The following CHRNA7 variants were observed in gnomAD, a reference collection of about 807,000 sequenced individuals.
CHRNA7 encodes cholinergic receptor nicotinic alpha 7 subunit, also known as neuronal acetylcholine receptor subunit alpha-7.
In CHRNA7, 17 loss-of-function variants were observed where a neutral mutation model predicts 48.0. The observed-to-expected ratio is 0.35, with a 90% CI of 0.24 to 0.53. The LOEUF is 0.53. Among genes scored for constraint, CHRNA7 ranks in the 20% least tolerant of loss-of-function variants. The pLI is 0.92. For missense variants in CHRNA7, 155 were observed against 577.7 expected (o/e 0.27, Z 7.50); for synonymous variants, 75 against 242.3 (o/e 0.31, Z 6.41).
At chr15:32,142,758 G>A (rs977524917) in intron 4 of CHRNA7, among the ~76,000 whole-genome samples, 1 of 152,012 alleles carries the variant, frequency 6.6e-6, no homozygotes, top group Non-Finnish European at 1.5e-5. Context: ...TGAGATCGGT[G>A]GTGATATCCC....
chr15:32,083,339 A>G (rs1481563999), intron 2 of CHRNA7, among the ~76,000 whole-genome samples: 1 of 152,114 alleles, frequency 6.6e-6, no homozygotes. Flanking sequence ...CCATCATGGG[A>G]TGTTGTAGCA....
At chr15:32,034,609 TGAG>T (rs1045914323) in intron 2 of CHRNA7, among the ~76,000 whole-genome samples, 3 of 152,074 alleles carry the variant, frequency 2.0e-5, no homozygotes, top group Non-Finnish European at 4.4e-5. Flanking sequence ...TCTGAGGGCA[TGAG>T]GAGGCAGTGT....
intron 4 of CHRNA7, among the ~76,000 whole-genome samples, chr15:32,148,714 C>G (rs1055804229): frequency 2.0e-5 from 3 of 152,230 alleles, no homozygotes; most frequent in African/African-American, 7.2e-5. Context: ...GGGGGCCAAG[C>G]AGTGGTTTGC....
At chr15:32,068,874 T>C (rs979002168) in intron 2 of CHRNA7, among the ~76,000 whole-genome samples, 1 of 151,588 alleles carries the variant, frequency 6.6e-6, no homozygotes, top group African/African-American at 2.4e-5. Context: ...AGAGACAGAA[T>C]TAAAGGGGAG....
chr15:32,139,217 C>A (rs781189596), intron 4 of CHRNA7, among the ~76,000 whole-genome samples: 3 of 152,144 alleles, frequency 2.0e-5, no homozygotes, highest in Non-Finnish European at 4.4e-5. Flanking sequence ...CTTTTTAGCA[C>A]TGAATAATAA....
intron 2 of CHRNA7, among the ~76,000 whole-genome samples, chr15:32,096,819 T>C (rs2050477170): frequency 2.0e-5 from 3 of 152,156 alleles, no homozygotes; most frequent in South Asian, 4.2e-4. Flanking sequence ...AAAAGCACGA[T>C]CACTTAAATC....
intron 2 of CHRNA7, among the ~76,000 whole-genome samples, chr15:32,083,399 T>C (rs1329892318): frequency 1.3e-5 from 2 of 152,152 alleles, no homozygotes; most frequent in Non-Finnish European, 2.9e-5. Flanking sequence ...CTTCCCAGCC[T>C]CCAGAACTGT....
chr15:32,108,048 CTT>C (rs2050699852), intron 3 of CHRNA7, among the ~76,000 whole-genome samples: 1 of 151,956 alleles, frequency 6.6e-6, no homozygotes. Context: ...TGAAAGATAA[CTT>C]TCCTTTTTCC....
chr15:32,100,715 T>A (rs2050555753), intron 2 of CHRNA7: 1 of 154,638 alleles, frequency 6.5e-6, no homozygotes, highest in Non-Finnish European at 1.5e-5. Context: ...GGCTTTACCT[T>A]CAGGTGTATT....
At chr15:32,049,250 A>T (rs1298418658) in intron 2 of CHRNA7, among the ~76,000 whole-genome samples, 1 of 151,920 alleles carries the variant, frequency 6.6e-6, no homozygotes, top group Non-Finnish European at 1.5e-5. Flanking sequence ...GTGGGGTGTT[A>T]AAGTCTCCCA....
rs2141233728 is a variant in CHRNA7 at position 32,082,212 on chromosome 15, T to G, written c.196-19091T>G. The stretch of plus-strand genomic sequence containing the variant: ...TTCTTTGGATTTATCTTGTTTGGGG[T>G]TTGTTCATTTCTTTAATCTATAGAT... On this transcript the variant is annotated intron_variant, in intron 2 of 9. Coordinates refer to ENST00000306901, the MANE Select transcript of CHRNA7 (RefSeq NM_000746.6). Among the ~76,000 whole-genome samples the G allele has an allele frequency of 1.3e-5, 2 of 152,182 alleles. 1 individual carries two copies. The highest frequency in any genetic ancestry group is 4.1e-4 in the South Asian group (2 of 4,826).
rs374952316 is a variant in CHRNA7 at position 32,137,613 on chromosome 15, T to C, written c.351-16294T>C. On this transcript the variant is annotated intron_variant, in intron 4 of 9. Coordinates refer to ENST00000306901, the MANE Select transcript of CHRNA7 (RefSeq NM_000746.6). The stretch of plus-strand genomic sequence containing the variant: ...AGTTTTGAACAACACAGTTAACAAG[T>C]CTTACCCAATATATAGATATAGATA... Among the ~76,000 whole-genome samples the C allele has an allele frequency of 5.3e-5, 8 of 152,224 alleles. 1 individual carries two copies. Among genetic ancestry groups the C allele is most frequent in the Admixed American group, 6.5e-5 (1 of 15,292 alleles).
intron 5 of CHRNA7, chr15:32,155,981 TTTA>T (rs1297320214): frequency 1.2e-5 from 1 of 86,184 alleles, no homozygotes; most frequent in African/African-American, 5.0e-5. Flanking sequence ...TTTTAACAGC[TTTA>T]TTGAGAGAGA....
intron 2 of CHRNA7, among the ~76,000 whole-genome samples, chr15:32,056,402 G>C (rs2049789281): frequency 6.6e-6 from 1 of 152,102 alleles, no homozygotes; most frequent in Non-Finnish European, 1.5e-5. Context: ...TTGGACTGGT[G>C]ACTAATTTAT....
chr15:32,125,556 G>A (rs1270348360), intron 4 of CHRNA7, among the ~76,000 whole-genome samples: 2 of 152,172 alleles, frequency 1.3e-5, no homozygotes, highest in Non-Finnish European at 1.5e-5. Flanking sequence ...GTCAAGAGGG[G>A]ACAATCGGAA....
At chr15:32,062,116 T>C (rs942141061) in intron 2 of CHRNA7, among the ~76,000 whole-genome samples, 2 of 152,212 alleles carry the variant, frequency 1.3e-5, no homozygotes, top group East Asian at 3.8e-4. Flanking sequence ...GCTGTTTCTT[T>C]GAGATTTACG....
At chr15:32,144,139 G>C (rs2051438397) in intron 4 of CHRNA7, among the ~76,000 whole-genome samples, 1 of 152,134 alleles carries the variant, frequency 6.6e-6, no homozygotes, top group South Asian at 2.1e-4. Flanking sequence ...CTCAGCATTT[G>C]CTTGTCTGTA....
At chr15:32,101,572 A>C in intron 3 of CHRNA7, 1 of 532,534 alleles carries the variant, frequency 1.9e-6, no homozygotes, top group Non-Finnish European at 3.3e-6. Flanking sequence ...AGATCAACAC[A>C]TAGGACAAGG....
intron 2 of CHRNA7, among the ~76,000 whole-genome samples, chr15:32,050,112 C>G (rs894726376): frequency 5.3e-5 from 8 of 152,112 alleles, no homozygotes; most frequent in African/African-American, 1.4e-4. Flanking sequence ...GTGAATCTGA[C>G]AATTATGTGT....
Sources: gnomAD v4.1 joint callset for allele counts (sites outside exome capture counted in the v4.1 genomes callset) on GRCh38, gnomAD v4.1.1 for gene constraint, MANE v1.5 for transcripts, NCBI Gene and HGNC (gene_info 2026-07-23, HGNC 2026-07-21) for gene names.